The following DOCK1 variants were observed in gnomAD, a reference collection of about 807,000 sequenced individuals.
DOCK1 encodes the protein dedicator of cytokinesis 1.
In DOCK1, 138 loss-of-function variants were observed where a neutral mutation model predicts 262.7. The observed-to-expected ratio is 0.53, with a 90% CI of 0.46 to 0.61. The LOEUF is 0.61. Among genes scored for constraint, DOCK1 ranks in the 20% least tolerant of loss-of-function variants. DOCK1 has a pLI of 0.00. For missense variants in DOCK1, 1,908 were observed against 2,370.7 expected (o/e 0.80, Z 4.05); for synonymous variants, 866 against 867.4 (o/e 1.00, Z 0.03).
intron 29 of DOCK1, among the ~76,000 whole-genome samples, chr10:127,325,466 A>C (rs2062713190): frequency 6.6e-6 from 1 of 152,238 alleles, no homozygotes; most frequent in Non-Finnish European, 1.5e-5. Context: ...CCCATTTCAC[A>C]GATGCAGAAT....
In DOCK1 at chr10:127,354,754, G is replaced by A. The variant is rs12221061; in HGVS notation, c.3283+27G>A. ...TGAGTAGCCTGGATGTGGGGGCATA[G>A]TGAATATCTTGCATCCCTGGTGGGT... On this transcript the variant is annotated intron_variant, in intron 32 of 51. Transcript: ENST00000623213. 10 of 1,613,552 alleles carry A rather than the reference G, an allele frequency of 6.2e-6. No individual in the cohort carries two copies. In the African/African-American group the frequency reaches 9.3e-5, roughly 15 times the overall value.
At chr10:127,024,295 GCAAA>G (rs1010784274) in intron 14 of DOCK1, among the ~76,000 whole-genome samples, 72 of 152,196 alleles carry the variant, frequency 4.7e-4, no homozygotes, top group Admixed American at 9.8e-4. Context: ...TTGGAGTGAA[GCAAA>G]CAGTGTTCAT....
chr10:127,407,167 T>A (rs995743774), intron 40 of DOCK1, among the ~76,000 whole-genome samples: 1 of 152,114 alleles, frequency 6.6e-6, no homozygotes, highest in Non-Finnish European at 1.5e-5. Context: ...CAGAATAAGC[T>A]GGGGCAAGGG....
intron 29 of DOCK1, among the ~76,000 whole-genome samples, chr10:127,295,151 AGAG>A (rs567624607): frequency 6.6e-4 from 101 of 152,322 alleles, no homozygotes; most frequent in Non-Finnish European, 1.2e-3. Context: ...TTGATAAACA[AGAG>A]GTTTATTTGG....
chr10:127,029,093 A>G (rs2043070615), intron 16 of DOCK1, among the ~76,000 whole-genome samples: 1 of 152,212 alleles, frequency 6.6e-6, no homozygotes, highest in Non-Finnish European at 1.5e-5. Context: ...TTTTCTTGTC[A>G]GTTTTAAGTA....
intron 2 of DOCK1, among the ~76,000 whole-genome samples, chr10:126,974,398 C>T (rs139916276): frequency 2.0e-4 from 31 of 152,084 alleles, no homozygotes; most frequent in Non-Finnish European, 2.9e-4. Context: ...ATGACTAGAC[C>T]GCCATTTTCC....
chr10:126,964,502 G>A (rs1442315202), intron 1 of DOCK1, among the ~76,000 whole-genome samples: 2 of 152,258 alleles, frequency 1.3e-5, no homozygotes, highest in African/African-American at 4.8e-5. Context: ...CGTGGCCTTT[G>A]TTTTCCCCAG....
intron 1 of DOCK1, among the ~76,000 whole-genome samples, chr10:126,951,227 ATGG>A (rs1192653969): frequency 4.9e-5 from 7 of 142,446 alleles, no homozygotes; most frequent in South Asian, 4.6e-4. Flanking sequence ...AATATTGGTG[ATGG>A]TGGTAGTATT....
intron 42 of DOCK1, 23 bp downstream of exon 42, chr10:127,409,414 C>A: frequency 6.2e-7 from 1 of 1,610,982 alleles, no homozygotes; most frequent in Non-Finnish European, 8.5e-7. Context: ...TTTTTCTTAC[C>A]CAACGTGAGG....
chr10:127,210,493 T>G (rs2057928411), intron 27 of DOCK1, among the ~76,000 whole-genome samples: 1 of 152,234 alleles, frequency 6.6e-6, no homozygotes, highest in South Asian at 2.1e-4. Context: ...ACTCTCAGGC[T>G]GAGCCCGGGA....
intron 1 of DOCK1, among the ~76,000 whole-genome samples, chr10:126,929,538 C>T (rs926756839): frequency 3.9e-5 from 6 of 152,024 alleles, no homozygotes; most frequent in African/African-American, 9.6e-5. Context: ...CCTTGGAGGA[C>T]GCCGAGGATG....
intron 28 of DOCK1, among the ~76,000 whole-genome samples, chr10:127,249,429 A>ATG (rs2059547083): frequency 7.1e-5 from 4 of 56,524 alleles, no homozygotes; most frequent in African/African-American, 2.9e-4. Context: ...GTACATATAT[A>ATG]TATACACACA....
At chr10:127,085,485 C>T (rs551963449) in intron 23 of DOCK1, among the ~76,000 whole-genome samples, 53 of 152,282 alleles carry the variant, frequency 3.5e-4, no homozygotes, top group African/African-American at 1.2e-3. Flanking sequence ...CTTGGCCGGG[C>T]GCGGTGGCTC....
chr10:127,065,792 T>A (rs571888166), intron 23 of DOCK1, among the ~76,000 whole-genome samples: 2 of 151,972 alleles, frequency 1.3e-5, no homozygotes, highest in South Asian at 4.2e-4. Context: ...AGGCGGAGGT[T>A]GCAGTGAGCC....
At chr10:127,174,733 T>C (rs2054919090) in intron 27 of DOCK1, among the ~76,000 whole-genome samples, 1 of 152,208 alleles carries the variant, frequency 6.6e-6, no homozygotes, top group African/African-American at 2.4e-5. Context: ...ATACCAATAT[T>C]ATTTCAATTA....
intron 4 of DOCK1, among the ~76,000 whole-genome samples, chr10:126,983,401 A>G (rs1004621691): frequency 6.6e-6 from 1 of 151,970 alleles, no homozygotes; most frequent in African/African-American, 2.4e-5. Flanking sequence ...TCTAGTGCCA[A>G]TGTGGGCCAC....
At chr10:127,360,638 CCT>C (rs1234426498) in intron 32 of DOCK1, among the ~76,000 whole-genome samples, 1 of 152,186 alleles carries the variant, frequency 6.6e-6, no homozygotes, top group African/African-American at 2.4e-5. Context: ...AGATCACTGA[CCT>C]CTCTGTTCAT....
At chr10:127,432,374 G>T (rs1273184076) in intron 47 of DOCK1, among the ~76,000 whole-genome samples, 2 of 151,598 alleles carry the variant, frequency 1.3e-5, no homozygotes, top group Non-Finnish European at 2.9e-5. Flanking sequence ...TGGAACCATG[G>T]TCCACAGCAG....
Position 127,381,295 on chromosome 10 carries a change from G to C in DOCK1, c.3734G>C (p.Cys1245Ser), listed in dbSNP as rs1306649331. The C allele has an allele frequency of 9.9e-6, 16 of 1,611,972 alleles. No homozygotes were observed. The highest frequency in any genetic ancestry group is 1.3e-5 in the African/African-American group (1 of 74,896). ...TGTCTCAGGTATTTGTACAAGCTCT[G>C]TGACCTGCACAAGGAGTGTGATAAC... ...EMYIRYLYKLCDLHKECDNYT... is the reference protein window; with the variant it reads ...EMYIRYLYKLSDLHKECDNYT... Residue 1245 changes from cysteine (C) to serine (S), a missense_variant, in exon 37 of 52, where the codon TGT becomes TCT. This residue lies in a region of DOCK1 where 267 missense variants were observed against 366.3 expected (regional missense o/e 0.73). Transcript: ENST00000623213.
Sources: gnomAD v4.1 joint callset for allele counts (sites outside exome capture counted in the v4.1 genomes callset) on GRCh38, gnomAD v4.1.1 for gene constraint, gnomAD v4.1.1 regional missense constraint, MANE v1.5 for transcripts, NCBI Gene and HGNC (gene_info 2026-07-23, HGNC 2026-07-21) for gene names.